Variants in CNKSR2 observed in about 807,000 individuals in gnomAD.
CNKSR2 encodes the protein CNK homolog protein 2.
In CNKSR2, 14 loss-of-function variants were observed where a neutral mutation model predicts 84.4. The ratio of observed to expected loss-of-function variants is 0.17; its 90% confidence interval spans 0.11 to 0.26. The LOEUF (loss-of-function observed/expected upper bound fraction) is 0.26, where lower values mean the gene tolerates loss of function less well. Ranked by LOEUF, CNKSR2 falls within the 10% of genes least tolerant of loss-of-function variation. The pLI is 1.00. For missense variants in CNKSR2, 485 were observed against 771.2 expected, an observed-to-expected ratio of 0.63 and a Z score of 4.40; for synonymous variants, 275 against 277.9, an observed-to-expected ratio of 0.99 and a Z score of 0.10.
chrX:21,591,332 C>A, intron 15 of CNKSR2, 138 bp downstream of exon 15: 1 of 441,165 alleles, frequency 2.3e-6, no homozygotes, highest in Non-Finnish European at 3.7e-6. Flanking sequence ...TTTCAATCCA[C>A]CCTCTTAAAA....
intron 1 of CNKSR2, among the ~76,000 whole-genome samples, chrX:21,418,250 G>C (rs763375100): frequency 9.0e-6 from 1 of 111,706 alleles, no homozygotes; most frequent in South Asian, 3.7e-4. Context: ...TCTATGTCTT[G>C]AAAAGCTGTT....
chrX:21,467,936 A>G (rs1031473952), intron 4 of CNKSR2, among the ~76,000 whole-genome samples: 60 of 111,499 alleles, frequency 5.4e-4, no homozygotes, highest in Admixed American at 1.1e-3. Flanking sequence ...AATGTATAGT[A>G]CAACCCAGTA....
intron 6 of CNKSR2, chrX:21,493,510 A>G (rs2091463274): frequency 8.9e-6 from 1 of 112,107 alleles, no homozygotes; most frequent in Non-Finnish European, 1.9e-5. Flanking sequence ...CCTGAGCAGG[A>G]GAGAGGGAGC....
chrX:21,629,197 G>A (rs1258714882), intron 20 of CNKSR2, among the ~76,000 whole-genome samples: 1 of 111,980 alleles, frequency 8.9e-6, no homozygotes, highest in Non-Finnish European at 1.9e-5. Flanking sequence ...ACCTCAGCCT[G>A]GATTTCATTG....
chrX:21,557,367 A>G (rs2147178815), intron 11 of CNKSR2, among the ~76,000 whole-genome samples: 1 of 111,315 alleles, frequency 9.0e-6, no homozygotes, highest in East Asian at 2.8e-4. Context: ...CCTACTTGCC[A>G]TCAATATCAT....
At chrX:21,622,626 C>A (rs908910519) in intron 20 of CNKSR2, among the ~76,000 whole-genome samples, 8 of 111,666 alleles carry the variant, frequency 7.2e-5, no homozygotes, top group Non-Finnish European at 1.5e-4. Flanking sequence ...TAATGTGTTT[C>A]TTTTAGTTCT....
chrX:21,378,579 G>C (rs1412748287), intron 1 of CNKSR2, among the ~76,000 whole-genome samples: 1 of 111,040 alleles, frequency 9.0e-6, no homozygotes, highest in East Asian at 2.8e-4. Flanking sequence ...AAAAACCCCT[G>C]AATGCTTTAG....
At chrX:21,410,876 ATGTGTGTTTGTGTG>A (rs768652466) in intron 1 of CNKSR2, among the ~76,000 whole-genome samples, 102 of 107,599 alleles carry the variant, frequency 9.5e-4, no homozygotes, top group South Asian at 8.5e-3. Context: ...TAGTGGGCAA[ATGTGTGTTTGTGTG>A]TGTGTGTTTG....
At chrX:21,442,508 T>C (rs2090797821) in intron 4 of CNKSR2, among the ~76,000 whole-genome samples, 1 of 111,896 alleles carries the variant, frequency 8.9e-6, no homozygotes, top group Non-Finnish European at 1.9e-5. Flanking sequence ...TTGCCACTAG[T>C]TAAGAAATAA....
At chrX:21,423,594 C>T (rs1436723745) in intron 1 of CNKSR2, 2 of 111,585 alleles carry the variant, frequency 1.8e-5, no homozygotes, top group Non-Finnish European at 3.8e-5. Flanking sequence ...TGTTATAGAG[C>T]GACTGCTTGC....
At chrX:21,476,178 C>T (rs1569192037) in intron 5 of CNKSR2, among the ~76,000 whole-genome samples, 1 of 110,819 alleles carries the variant, frequency 9.0e-6, no homozygotes, top group Non-Finnish European at 1.9e-5. Flanking sequence ...TTATTATGAA[C>T]ACTTGTTTAA....
At chrX:21,574,657 T>C (rs1601968488) in intron 13 of CNKSR2, among the ~76,000 whole-genome samples, 1 of 111,074 alleles carries the variant, frequency 9.0e-6, no homozygotes, top group Middle Eastern at 4.7e-3. Flanking sequence ...CCACCGTATG[T>C]GGGAATTATG....
chrX:21,612,173 T>C (rs774160501), intron 20 of CNKSR2, among the ~76,000 whole-genome samples: 1 of 112,447 alleles, frequency 8.9e-6, no homozygotes, highest in Non-Finnish European at 1.9e-5. Flanking sequence ...TTATGGGATG[T>C]CATGTTCATG....
In CNKSR2 at chrX:21,609,478, C is replaced by T. The variant is rs756634355; in HGVS notation, c.2553C>T (p.Ser851=). 43 of 1,208,734 alleles carry T rather than the reference C, an allele frequency of 3.6e-5. No individual in the cohort carries two copies. The highest frequency in any genetic ancestry group is 8.8e-5 in the Admixed American group (4 of 45,545). The part of the protein sequence containing the change: ...KPRSFTLPRD[S]GFNHCCLNAP... The stretch of plus-strand genomic sequence containing the variant: ...GAAGTTTTACTCTGCCTCGAGATAG[C>T]GGGTTCAACCATTGCTGTCTGAATG... Residue 851 remains serine (S), a synonymous_variant, in exon 20 of 22, where the codon AGC becomes AGT. Coordinates refer to ENST00000379510, the MANE Select transcript of CNKSR2 (RefSeq NM_014927.5).
At chrX:21,648,551 T>G (rs2092712037) in intron 20 of CNKSR2, among the ~76,000 whole-genome samples, 1 of 110,988 alleles carries the variant, frequency 9.0e-6, no homozygotes, top group Non-Finnish European at 1.9e-5. Flanking sequence ...AAGAGTATAT[T>G]TGGTTAATCA....
intron 9 of CNKSR2, among the ~76,000 whole-genome samples, chrX:21,519,831 C>CTG (rs2091764953): frequency 9.0e-6 from 1 of 110,713 alleles, no homozygotes; most frequent in Admixed American, 9.6e-5. Context: ...GAGGTAGGCA[C>CTG]TGATACATGT....
chrX:21,572,782 T>G (rs760371164), intron 13 of CNKSR2, among the ~76,000 whole-genome samples: 144 of 111,223 alleles, frequency 1.3e-3, no homozygotes, highest in Non-Finnish European at 2.3e-3. Flanking sequence ...GAACTATAAT[T>G]CAAGATGAGA....
Position 21,551,732 on chromosome X carries a change from A to G in CNKSR2, c.1304-9739A>G, listed in dbSNP as rs781754974. ...CTAAACATCCTGCAGTGCTCAGGAC[A>G]GCACCCAACAAGAATGATCTGGCCT... On this transcript the variant is annotated intron_variant, in intron 11 of 21. Coordinates refer to ENST00000379510, the MANE Select transcript of CNKSR2 (RefSeq NM_014927.5). Among the ~76,000 whole-genome samples the G allele has an allele frequency of 2.7e-5, 3 of 112,077 alleles. No individual in the cohort carries two copies. The South Asian group carries it at 1.1e-3, about 42-fold the overall frequency.
chrX:21,473,789 C>T (rs866256760), intron 5 of CNKSR2, among the ~76,000 whole-genome samples: 2 of 88,564 alleles, frequency 2.3e-5, no homozygotes, highest in African/African-American at 1.2e-4. Flanking sequence ...CTCTGTCACC[C>T]AGGCTGGAGT....
Sources: gnomAD v4.1 joint callset for allele counts (sites outside exome capture counted in the v4.1 genomes callset) on GRCh38, gnomAD v4.1.1 for gene constraint, MANE v1.5 for transcripts, NCBI Gene and HGNC (gene_info 2026-07-23, HGNC 2026-07-21) for gene names.